Variants in PTPRT observed in about 807,000 individuals in gnomAD.
PTPRT encodes the protein protein tyrosine phosphatase receptor type T.
PTPRT carries 56 observed loss-of-function variants against 176.8 expected under a neutral mutation model. That is an observed-to-expected ratio of 0.32 (90% CI 0.26 to 0.40). The LOEUF (loss-of-function observed/expected upper bound fraction) is 0.40. Ranked by LOEUF, PTPRT falls within the 10% of genes least tolerant of loss-of-function variation. The probability of loss-of-function intolerance (pLI) is 1.00; values close to 1 mark genes in which losing one functional copy is unlikely to be tolerated. For missense variants in PTPRT, 1,540 were observed against 1,908.2 expected (o/e 0.81, Z 3.60); for synonymous variants, 783 against 739.0 (o/e 1.06, Z -0.96).
intron 6 of PTPRT, among the ~76,000 whole-genome samples, chr20:42,742,713 T>G (rs1359293278): frequency 6.6e-6 from 1 of 152,178 alleles, no homozygotes; most frequent in Non-Finnish European, 1.5e-5. Flanking sequence ...ACACGAGTCT[T>G]TGAACTTTCT....
At chr20:42,420,381 C>T (rs1248667299) in intron 9 of PTPRT, among the ~76,000 whole-genome samples, 2 of 152,110 alleles carry the variant, frequency 1.3e-5, no homozygotes, top group Non-Finnish European at 2.9e-5. Flanking sequence ...TCTGGCCGTG[C>T]ACCACTTCCT....
At position 42,084,974 on chromosome 20, in the gene PTPRT, G is replaced by A. The variant is rs549020725; in HGVS notation, c.3973-129C>T. On this transcript the variant is annotated intron_variant, in intron 28 of 30. Transcript: ENST00000373187. ...AATGGGATCTAAGCCATGTCCTCAC[G>A]GGGAGAGTCCCCATGACTACTTCTA... The A allele has an allele frequency of 1.1e-4, 77 of 711,450 alleles. No homozygotes were observed. The South Asian group carries it at 4.8e-3, about 44-fold the overall frequency. 44.1% of individuals were successfully genotyped at this position (711,450 alleles called of 1,614,324 possible).
At chr20:42,510,513 C>T (rs1045325990) in intron 7 of PTPRT, among the ~76,000 whole-genome samples, 51 of 152,000 alleles carry the variant, frequency 3.4e-4, no homozygotes, top group Admixed American at 3.2e-3. Flanking sequence ...AGGGTATTTA[C>T]TGGGTCATAC....
At chr20:42,860,154 TG>T (rs2078636685) in intron 2 of PTPRT, among the ~76,000 whole-genome samples, 1 of 152,190 alleles carries the variant, frequency 6.6e-6, no homozygotes, top group African/African-American at 2.4e-5. Context: ...CATCTTGACC[TG>T]TCTCATTAAT....
At chr20:42,194,117 CAGAA>C (rs1377173549) in intron 16 of PTPRT, among the ~76,000 whole-genome samples, 16 of 152,138 alleles carry the variant, frequency 1.1e-4, no homozygotes, top group Non-Finnish European at 1.2e-4. Flanking sequence ...GAGCGTTTTG[CAGAA>C]AGACTTCGTA....
chr20:42,735,877 T>C (rs557729259), intron 6 of PTPRT, among the ~76,000 whole-genome samples: 8 of 152,196 alleles, frequency 5.3e-5, no homozygotes, highest in African/African-American at 1.9e-4. Flanking sequence ...AACTTCACTC[T>C]AGTTGTCTGT....
Position 42,199,532 on chromosome 20 carries a change from A to G in PTPRT, c.2343-144T>C, listed in dbSNP as rs949237186. ...CAGAAAAAGAATCAAGGCAGAACAA[A>G]CCATGAATGGTTTCCATTTACTCAG... On this transcript the variant is annotated intron_variant, in intron 15 of 30. Coordinates refer to ENST00000373187, the MANE Select transcript of PTPRT (RefSeq NM_007050.6). 4.4e-6 allele frequency: 4 copies of G among 918,784 alleles called. No individual in the cohort carries two copies. The African/African-American group carries it at 5.0e-5, about 11-fold the overall frequency. 56.9% of individuals were successfully genotyped at this position (918,784 alleles called of 1,614,324 possible).
chr20:42,423,400 A>G (rs938192659), intron 9 of PTPRT, among the ~76,000 whole-genome samples: 1 of 152,014 alleles, frequency 6.6e-6, no homozygotes, highest in Non-Finnish European at 1.5e-5. Context: ...TCCCTTTTTT[A>G]TGTGATTCTT....
intron 7 of PTPRT, among the ~76,000 whole-genome samples, chr20:42,554,984 T>C (rs1000448339): frequency 7.2e-5 from 11 of 152,276 alleles, no homozygotes; most frequent in Non-Finnish European, 1.0e-4. Flanking sequence ...CAGGAAAGTA[T>C]TGTGTTATGG....
At chr20:42,933,528 T>A (rs78662986) in intron 1 of PTPRT, among the ~76,000 whole-genome samples, 2,889 of 152,322 alleles carry the variant, frequency 0.019, 105 homozygotes, top group African/African-American at 0.066. Context: ...TTTCCTGGTC[T>A]ATTGATTGAT....
intron 16 of PTPRT, among the ~76,000 whole-genome samples, chr20:42,195,347 G>A (rs1465421627): frequency 2.0e-5 from 3 of 152,108 alleles, no homozygotes; most frequent in South Asian, 4.2e-4. Flanking sequence ...CATAATCTCA[G>A]GGCCTCCTAA....
At chr20:42,835,116 T>G (rs2078158977) in intron 2 of PTPRT, among the ~76,000 whole-genome samples, 1 of 152,122 alleles carries the variant, frequency 6.6e-6, no homozygotes, top group Admixed American at 6.5e-5. Flanking sequence ...GTGATGTGTC[T>G]GGGATCTAAA....
chr20:42,489,033 T>C (rs1476558400), intron 7 of PTPRT, among the ~76,000 whole-genome samples: 2 of 140,220 alleles, frequency 1.4e-5, no homozygotes, highest in Non-Finnish European at 3.0e-5. Context: ...TGTGTGTGTG[T>C]GTGTGTGTGT....
At chr20:42,737,445 A>G (rs2076556367) in intron 6 of PTPRT, among the ~76,000 whole-genome samples, 1 of 152,178 alleles carries the variant, frequency 6.6e-6, no homozygotes, top group Non-Finnish European at 1.5e-5. Flanking sequence ...AGCCTGGTCA[A>G]CATGGCTAAA....
intron 9 of PTPRT, among the ~76,000 whole-genome samples, chr20:42,443,094 CAGG>C (rs2059332538): frequency 6.6e-6 from 1 of 152,204 alleles, no homozygotes; most frequent in African/African-American, 2.4e-5. Context: ...GTTTAGACGT[CAGG>C]TGAGCAGGAA....
chr20:42,278,824 C>T (rs913128012), intron 13 of PTPRT, among the ~76,000 whole-genome samples: 1 of 152,042 alleles, frequency 6.6e-6, no homozygotes, highest in Non-Finnish European at 1.5e-5. Context: ...TGAGCATTAG[C>T]ACCTCTGAAG....
chr20:42,571,762 G>T (rs2073158720), intron 7 of PTPRT, among the ~76,000 whole-genome samples: 1 of 152,056 alleles, frequency 6.6e-6, no homozygotes, highest in African/African-American at 2.4e-5. Flanking sequence ...AACCCCCACT[G>T]CCCCGGGGCA....
intron 1 of PTPRT, among the ~76,000 whole-genome samples, chr20:42,982,421 C>A (rs1228853359): frequency 6.6e-6 from 1 of 152,014 alleles, no homozygotes; most frequent in Non-Finnish European, 1.5e-5. Context: ...CTTGGCAGAG[C>A]GTGACTGAGC....
chr20:42,463,511 G>T (rs1408984221), intron 8 of PTPRT, among the ~76,000 whole-genome samples: 1 of 152,136 alleles, frequency 6.6e-6, no homozygotes, highest in African/African-American at 2.4e-5. Flanking sequence ...GTGCCTTAAA[G>T]TCAGGTGGTA....
Sources: gnomAD v4.1 joint callset for allele counts (sites outside exome capture counted in the v4.1 genomes callset) on GRCh38, gnomAD v4.1.1 for gene constraint, MANE v1.5 for transcripts, NCBI Gene and HGNC (gene_info 2026-07-23, HGNC 2026-07-21) for gene names.